The following SNX29 variants were observed in gnomAD, a reference collection of about 807,000 sequenced individuals.
SNX29 encodes sorting nexin 29.
A neutral mutation model predicts 102.1 loss-of-function variants in SNX29; 78 were observed. That is an observed-to-expected ratio of 0.76 (90% confidence interval 0.64 to 0.92). SNX29 has a LOEUF of 0.92. Ranked by LOEUF, SNX29 falls within the 40% of genes least tolerant of loss-of-function variation. The pLI is 0.00. For missense variants in SNX29, 1,280 were observed against 1,061.7 expected, an observed-to-expected ratio of 1.21 and a Z score of -2.86; for synonymous variants, 580 against 414.5, an observed-to-expected ratio of 1.40 and a Z score of -4.85.
At chr16:12,178,514 CA>C (rs1193502764) in intron 13 of SNX29, among the ~76,000 whole-genome samples, 3 of 152,190 alleles carry the variant, frequency 2.0e-5, no homozygotes, top group African/African-American at 7.2e-5. Context: ...GCCCAGGACA[CA>C]AGGGGCCAGA....
chr16:12,105,932 G>A (rs2053218158), intron 11 of SNX29, among the ~76,000 whole-genome samples: 1 of 152,160 alleles, frequency 6.6e-6, no homozygotes, highest in Non-Finnish European at 1.5e-5. Context: ...GGGCGTCCTG[G>A]CTGGCCCAGC....
chr16:12,399,067 A>T (rs180684226), intron 17 of SNX29, among the ~76,000 whole-genome samples: 3,270 of 107,262 alleles, frequency 0.03, 83 homozygotes, highest in African/African-American at 0.086. Flanking sequence ...AGACTTTTTT[A>T]TTTTTGAGAT....
At chr16:12,383,387 G>A (rs1014551549) in intron 16 of SNX29, among the ~76,000 whole-genome samples, 3 of 152,040 alleles carry the variant, frequency 2.0e-5, no homozygotes, top group African/African-American at 7.2e-5. Context: ...ACAGTTCGGT[G>A]ACCACCGAAT....
chr16:11,999,535 G>C (rs1262109258), intron 2 of SNX29, among the ~76,000 whole-genome samples, 177 bp downstream of exon 2: 1 of 152,150 alleles, frequency 6.6e-6, no homozygotes, highest in Admixed American at 6.5e-5. Context: ...GTCAAGGTTG[G>C]GTTGGAGGAA....
At chr16:12,553,543 C>T (rs1195640618) in intron 20 of SNX29, among the ~76,000 whole-genome samples, 2 of 152,132 alleles carry the variant, frequency 1.3e-5, no homozygotes, top group Non-Finnish European at 2.9e-5. Flanking sequence ...CCACAGAGCA[C>T]TGCAGGGAGC....
At chr16:12,153,756 G>A (rs1279729645) in intron 13 of SNX29, among the ~76,000 whole-genome samples, 1 of 152,078 alleles carries the variant, frequency 6.6e-6, no homozygotes, top group Non-Finnish European at 1.5e-5. Context: ...GGGATTATGG[G>A]AGTGAACCAC....
At chr16:12,260,986 G>A (rs1449494368) in intron 14 of SNX29, among the ~76,000 whole-genome samples, 2 of 150,602 alleles carry the variant, frequency 1.3e-5, no homozygotes, top group Non-Finnish European at 3.0e-5. Context: ...GCCCCCGGCT[G>A]GAGTGAGTGT....
chr16:12,025,871 T>C, intron 3 of SNX29, among the ~76,000 whole-genome samples: 1 of 152,200 alleles, frequency 6.6e-6, no homozygotes, highest in African/African-American at 2.4e-5. Context: ...CTTGCGAGGA[T>C]GGAGTTCAGG....
chr16:12,526,670 G>T (rs780391090), intron 20 of SNX29: 1 of 509,926 alleles, frequency 2.0e-6, no homozygotes, highest in African/African-American at 1.9e-5. Flanking sequence ...GAGTCATCAC[G>T]CATCGACTGA....
At position 12,458,713 on chromosome 16, in the gene SNX29, C is replaced by T. The variant is rs149717221; in HGVS notation, c.2038-19006C>T. On this transcript the variant is annotated intron_variant, in intron 18 of 20. Coordinates refer to ENST00000566228, the MANE Select transcript of SNX29 (RefSeq NM_032167.5). ...CCCAGAAAGGGCAATGCTGTGAGCA[C>T]CAAGGAGGAGGTAGCCTTTGGAGTG... Among the ~76,000 whole-genome samples the T allele has an allele frequency of 8.9e-4, 136 of 152,246 alleles. 1 individual carries two copies. Among genetic ancestry groups the T allele is most frequent in the African/African-American group, 2.8e-3 (117 of 41,542 alleles).
chr16:12,282,039 A>G (rs544153573), intron 15 of SNX29, among the ~76,000 whole-genome samples: 18 of 134,062 alleles, frequency 1.3e-4, no homozygotes, highest in Non-Finnish European at 2.0e-4. Context: ...AGCTGGGATC[A>G]TGGCTCTGCA....
intron 18 of SNX29, among the ~76,000 whole-genome samples, chr16:12,427,662 G>T (rs1048808643): frequency 1.4e-4 from 22 of 152,342 alleles, no homozygotes; most frequent in African/African-American, 4.3e-4. Context: ...CAGAGACAAT[G>T]CCTGTGCCAG....
intron 16 of SNX29, among the ~76,000 whole-genome samples, chr16:12,369,222 G>A (rs556157577): frequency 6.6e-5 from 10 of 150,946 alleles, no homozygotes; most frequent in African/African-American, 2.4e-4. Flanking sequence ...TACAACCTCC[G>A]CCTCCTAGGT....
intron 14 of SNX29, among the ~76,000 whole-genome samples, chr16:12,215,731 C>T (rs896179794): frequency 2.0e-5 from 3 of 152,206 alleles, no homozygotes; most frequent in East Asian, 1.9e-4. Flanking sequence ...CTTCCCCTTA[C>T]CCTTTGTTTC....
At chr16:12,559,783 C>T (rs1318570630) in intron 20 of SNX29, among the ~76,000 whole-genome samples, 1 of 152,158 alleles carries the variant, frequency 6.6e-6, no homozygotes, top group African/African-American at 2.4e-5. Context: ...CATTACACAG[C>T]ACCTTCGTCC....
At chr16:12,141,233 G>A (rs118016530) in intron 13 of SNX29, among the ~76,000 whole-genome samples, 51 of 152,296 alleles carry the variant, frequency 3.3e-4, no homozygotes, top group Non-Finnish European at 6.3e-4. Context: ...TAAGGTTTCC[G>A]CCTACATGAA....
At chr16:12,220,869 G>A (rs948708893) in intron 14 of SNX29, among the ~76,000 whole-genome samples, 1 of 152,088 alleles carries the variant, frequency 6.6e-6, no homozygotes, top group Non-Finnish European at 1.5e-5. Flanking sequence ...TTAAAATTAC[G>A]CAAATGAGCA....
intron 14 of SNX29, among the ~76,000 whole-genome samples, chr16:12,255,790 T>G (rs984295758): frequency 3.3e-5 from 5 of 152,194 alleles, no homozygotes; most frequent in Admixed American, 6.5e-5. Flanking sequence ...TGGACACAGG[T>G]TGATTCTGTA....
chr16:12,219,690 A>G (rs1458918864), intron 14 of SNX29, among the ~76,000 whole-genome samples: 1 of 152,230 alleles, frequency 6.6e-6, no homozygotes, highest in Non-Finnish European at 1.5e-5. Context: ...TTAACACATA[A>G]TGTTTTTCTA....
Sources: gnomAD v4.1 joint callset for allele counts (sites outside exome capture counted in the v4.1 genomes callset) on GRCh38, gnomAD v4.1.1 for gene constraint, MANE v1.5 for transcripts, NCBI Gene and HGNC (gene_info 2026-07-23, HGNC 2026-07-21) for gene names.